Variants in EGLN1 observed in about 807,000 individuals in gnomAD.
EGLN1 encodes egl-9 family hypoxia inducible factor 1.
A neutral mutation model predicts 38.3 loss-of-function variants in EGLN1; 17 were observed. The observed-to-expected ratio is 0.44, with a 90% confidence interval of 0.30 to 0.67. The LOEUF (loss-of-function observed/expected upper bound fraction) is 0.67, where lower values mean the gene tolerates loss of function less well. Among genes scored for constraint, EGLN1 ranks in the 30% least tolerant of loss-of-function variants. The probability of loss-of-function intolerance (pLI) is 0.08; values close to 1 mark genes in which losing one functional copy is unlikely to be tolerated. For missense variants in EGLN1, 477 were observed against 603.3 expected, an observed-to-expected ratio of 0.79 and a Z score of 2.19; for synonymous variants, 283 against 257.5, an observed-to-expected ratio of 1.10 and a Z score of -0.95.
chr1:231,411,777 T>A (rs573936333), intron 1 of EGLN1, among the ~76,000 whole-genome samples: 1 of 151,924 alleles, frequency 6.6e-6, no homozygotes, highest in Admixed American at 6.6e-5. Flanking sequence ...GGTGGGCGGA[T>A]CACGAGGTCA....
intron 1 of EGLN1, among the ~76,000 whole-genome samples, chr1:231,383,563 G>T (rs190383853): frequency 1.3e-5 from 2 of 152,296 alleles, no homozygotes; most frequent in South Asian, 4.1e-4. Context: ...ATTCTGTTCT[G>T]TACAGGGAAA....
chr1:231,416,400 T>C (rs1415772542), intron 1 of EGLN1, among the ~76,000 whole-genome samples: 1 of 151,754 alleles, frequency 6.6e-6, no homozygotes, highest in Non-Finnish European at 1.5e-5. Context: ...TATTAGGTAG[T>C]AGATAAGTAA....
At chr1:231,386,775 C>T (rs554358738) in intron 1 of EGLN1, among the ~76,000 whole-genome samples, 1 of 152,296 alleles carries the variant, frequency 6.6e-6, no homozygotes, top group South Asian at 2.1e-4. Flanking sequence ...GTAACATAAA[C>T]ATCTTTAATA....
At chr1:231,406,165 C>CAAAA (rs5781651) in intron 1 of EGLN1, among the ~76,000 whole-genome samples, 7 of 139,124 alleles carry the variant, frequency 5.0e-5, no homozygotes, top group African/African-American at 1.1e-4. Context: ...GACTCCGTCT[C>CAAAA]AAAAAAAAAA....
In EGLN1 at chr1:231,370,758, A is replaced by AG. The variant is rs1365858002; in HGVS notation, c.1012-61dup. ...CCAAAAATGCTACAAGATTAAATTT[A>AG]GGGGGAAAAAAAGAGACAATTTCAA... On this transcript the variant is annotated intron_variant, in intron 2 of 4. Transcript: ENST00000366641. The AG allele has an allele frequency of 4.4e-6, 7 of 1,579,120 alleles. No individual in the cohort carries two copies. The African/African-American group carries it at 8.1e-5, about 18-fold the overall frequency.
intron 1 of EGLN1, among the ~76,000 whole-genome samples, chr1:231,397,023 A>ACTAT (rs1247256980): frequency 6.6e-6 from 1 of 152,160 alleles, no homozygotes; most frequent in Non-Finnish European, 1.5e-5. Flanking sequence ...TCCCTCCAGA[A>ACTAT]TTGCCATGCC....
chr1:231,365,638 A>C lies in EGLN1; in HGVS notation c.*773T>G, dbSNP rs1286693236. ...GGGTAACAGAGCAAGACTGTCTCAA[A>C]AAAACAAAACAAAACAAAAAAATTT... On this transcript the variant is annotated 3_prime_UTR_variant, in exon 5 of 5. Transcript: ENST00000366641. The C allele has an allele frequency of 6.6e-6, 1 of 152,414 alleles. No homozygotes were observed. The highest frequency in any genetic ancestry group is 2.4e-5 in the African/African-American group (1 of 41,456). 9.4% of individuals were successfully genotyped at this position (152,414 alleles called of 1,614,324 possible). A position where few individuals can be genotyped will look rare whatever the true frequency, so the allele number is the denominator to read the frequency against.
At chr1:231,383,690 G>A (rs1288524948) in intron 1 of EGLN1, among the ~76,000 whole-genome samples, 3 of 152,046 alleles carry the variant, frequency 2.0e-5, no homozygotes, top group African/African-American at 7.2e-5. Flanking sequence ...AGACAGGCAG[G>A]GGCAGCTCAA....
intron 2 of EGLN1, among the ~76,000 whole-genome samples, chr1:231,371,301 T>A (rs548264743): frequency 1.3e-5 from 2 of 152,360 alleles, no homozygotes; most frequent in South Asian, 4.1e-4. Context: ...TATTTTTGTA[T>A]GTTAATGATT....
At chr1:231,391,091 T>G (rs200196329) in intron 1 of EGLN1, among the ~76,000 whole-genome samples, 4,956 of 41,358 alleles carry the variant, frequency 0.12, 511 homozygotes, top group Middle Eastern at 0.22. Flanking sequence ...CTGTTTTTTT[T>G]TTGTGTGTGT....
At chr1:231,382,292 T>C (rs1688096289) in intron 1 of EGLN1, among the ~76,000 whole-genome samples, 1 of 152,212 alleles carries the variant, frequency 6.6e-6, no homozygotes, top group African/African-American at 2.4e-5. Context: ...AATTATTATT[T>C]GTTTTAATGG....
intron 1 of EGLN1, among the ~76,000 whole-genome samples, chr1:231,402,476 T>C (rs948818191): frequency 1.3e-5 from 2 of 151,494 alleles, no homozygotes; most frequent in Admixed American, 1.3e-4. Context: ...ACTCTGTCAC[T>C]GAGACTGAAG....
chr1:231,396,435 G>A (rs1688532657), intron 1 of EGLN1, among the ~76,000 whole-genome samples: 1 of 151,966 alleles, frequency 6.6e-6, no homozygotes. Flanking sequence ...TGTACTTTTA[G>A]TAGAGACGGG....
At chr1:231,394,581 G>A (rs940229489) in intron 1 of EGLN1, among the ~76,000 whole-genome samples, 2 of 150,122 alleles carry the variant, frequency 1.3e-5, no homozygotes, top group African/African-American at 4.9e-5. Flanking sequence ...AGTAGAGACG[G>A]GGTTTCACCG....
At chr1:231,373,670 G>GTT (rs1491545203) in intron 2 of EGLN1, among the ~76,000 whole-genome samples, 4 of 6,572 alleles carry the variant, frequency 6.1e-4, no homozygotes. Context: ...CCCTAACCTC[G>GTT]TGTGTGCGTG....
Position 231,421,328 on chromosome 1 carries a change from G to C in EGLN1, c.561C>G (p.Pro187=), listed in dbSNP as rs777610133. 1.9e-6 allele frequency: 3 copies of C among 1,611,942 alleles called. No individual in the cohort carries two copies. The highest frequency in any genetic ancestry group is 1.7e-4 in the Middle Eastern group (1 of 6,056). ...GGLRPNGQTK[P]LPALKLALEY... is the part of the protein sequence containing the mutation. ...CGAGCGCCAGCTTCAGCGCCGGCAGGGGCTTCGTCTGCCCGTTGGGCCGCA... is the reference window on the plus strand; with the variant it reads ...CGAGCGCCAGCTTCAGCGCCGGCAGCGGCTTCGTCTGCCCGTTGGGCCGCA... Residue 187 remains proline (P), a synonymous_variant, in exon 1 of 5, where the codon CCC becomes CCG. Coordinates refer to ENST00000366641, the MANE Select transcript of EGLN1 (RefSeq NM_022051.3). The surrounding 1 kb of genome is among the most constrained non-coding windows in gnomAD (Gnocchi z 5.5).
intron 2 of EGLN1, among the ~76,000 whole-genome samples, chr1:231,371,039 G>A (rs1324918204): frequency 4.6e-5 from 7 of 152,116 alleles, no homozygotes; most frequent in East Asian, 1.9e-4. Context: ...ACAGGCATGC[G>A]CCACCATGTC....
chr1:231,412,213 TTTC>T (rs1332906644), intron 1 of EGLN1, among the ~76,000 whole-genome samples: 4 of 152,084 alleles, frequency 2.6e-5, no homozygotes, highest in African/African-American at 7.2e-5. Flanking sequence ...TATCAGTAAC[TTTC>T]TTCTTCTTCA....
chr1:231,420,216 GTGT>G (rs1309181728), intron 1 of EGLN1: 5 of 152,196 alleles, frequency 3.3e-5, no homozygotes, highest in Middle Eastern at 3.2e-3. Flanking sequence ...CGCCAATTCC[GTGT>G]TGTTGTTTTG....
Sources: gnomAD v4.1 joint callset for allele counts (sites outside exome capture counted in the v4.1 genomes callset) on GRCh38, gnomAD v4.1.1 for gene constraint, Gnocchi (gnomAD v3.1) non-coding constraint, MANE v1.5 for transcripts, NCBI Gene and HGNC (gene_info 2026-07-23, HGNC 2026-07-21) for gene names.